Variants in CADM2 observed in about 807,000 individuals in gnomAD.
CADM2 encodes immunoglobulin superfamily member 4D.
In CADM2, 12 loss-of-function variants were observed where a neutral mutation model predicts 49.8. That is an observed-to-expected ratio of 0.24 (90% CI 0.15 to 0.39). The LOEUF is 0.39. Ranked by LOEUF, CADM2 falls within the 10% of genes least tolerant of loss-of-function variation. The pLI, the probability that CADM2 is intolerant of heterozygous loss-of-function variation, is 1.00. For missense variants in CADM2, 378 were observed against 492.3 expected, an observed-to-expected ratio of 0.77 and a Z score of 2.20; for synonymous variants, 214 against 175.4, an observed-to-expected ratio of 1.22 and a Z score of -1.74.
chr3:85,541,755 T>TTA lies in CADM2; in HGVS notation c.62-184757_62-184756dup, dbSNP rs1317190535. 3.7e-4 allele frequency among the ~76,000 whole-genome samples: 10 copies of TTA among 27,228 alleles called. No individual in the cohort carries two copies. In the South Asian group the frequency reaches 0.01, roughly 28 times the overall value. The allele number at this position is 27,228 out of a possible 152,430, so 17.9% of individuals were successfully genotyped here. ...ATTTTATATATATATTTTATATATT[T>TTA]TATATATATATTTTATATTTTATAT... On this transcript the variant is annotated intron_variant, in intron 1 of 9. Transcript: ENST00000383699.
intron 2 of CADM2, among the ~76,000 whole-genome samples, chr3:85,796,223 T>G (rs577243531): frequency 1.3e-5 from 2 of 152,214 alleles, no homozygotes; most frequent in East Asian, 3.8e-4. Flanking sequence ...TTATGCATTA[T>G]ATCAATATCA....
intron 2 of CADM2, among the ~76,000 whole-genome samples, chr3:85,752,472 G>GCACACACACACACA (rs3044028): frequency 2.7e-5 from 4 of 147,800 alleles, no homozygotes; most frequent in African/African-American, 1.0e-4. Context: ...ATGTGTGCGT[G>GCACACACACACACA]CACACACACA....
intron 2 of CADM2, among the ~76,000 whole-genome samples, chr3:85,774,530 T>A (rs1396877486): frequency 6.6e-6 from 1 of 151,724 alleles, no homozygotes; most frequent in Non-Finnish European, 1.5e-5. Flanking sequence ...TTTTATTACC[T>A]TTTTTGCAAA....
At chr3:85,956,125 G>A (rs755553118) in intron 7 of CADM2, among the ~76,000 whole-genome samples, 2 of 151,562 alleles carry the variant, frequency 1.3e-5, no homozygotes, top group African/African-American at 4.8e-5. Flanking sequence ...GTGGCGTAAC[G>A]TTATCGTCTC....
At chr3:86,001,550 AGGCTTCTAGAGAGTGAT>A (rs1366176070) in intron 8 of CADM2, among the ~76,000 whole-genome samples, 1 of 152,160 alleles carries the variant, frequency 6.6e-6, no homozygotes. Context: ...GAAGAAACCA[AGGCTTCTAGAGAGTGAT>A]GGTCTTTCAT....
chr3:85,189,062 A>ACAAT (rs1553693248), intron 1 of CADM2, among the ~76,000 whole-genome samples: 1 of 145,560 alleles, frequency 6.9e-6, no homozygotes, highest in Non-Finnish European at 1.5e-5. Context: ...ATAAATAAAT[A>ACAAT]AAATAAATAA....
At chr3:85,629,767 T>G (rs1395045084) in intron 1 of CADM2, among the ~76,000 whole-genome samples, 1 of 152,010 alleles carries the variant, frequency 6.6e-6, no homozygotes, top group Non-Finnish European at 1.5e-5. Flanking sequence ...TTTGCCACTT[T>G]ATGTATACAC....
At chr3:85,312,974 A>C (rs1016252591) in intron 1 of CADM2, among the ~76,000 whole-genome samples, 8 of 152,198 alleles carry the variant, frequency 5.3e-5, no homozygotes, top group African/African-American at 1.9e-4. Context: ...TCCCCTTATC[A>C]CATTTAATCC....
chr3:85,789,121 A>T (rs2071177733), intron 2 of CADM2, among the ~76,000 whole-genome samples: 1 of 152,086 alleles, frequency 6.6e-6, no homozygotes, highest in Non-Finnish European at 1.5e-5. Flanking sequence ...CAGAAAATTG[A>T]TTATTGTATG....
rs1703411726 is a variant in CADM2 at position 86,073,874 on chromosome 3, C to T, written c.*7091C>T. The T allele has an allele frequency of 6.6e-6, 1 of 151,676 alleles. No individual in the cohort carries two copies. Among genetic ancestry groups the T allele is most frequent in the African/African-American group, 2.4e-5 (1 of 41,350 alleles). 9.4% of individuals were successfully genotyped at this position (151,676 alleles called of 1,614,324 possible). A position where few individuals can be genotyped will look rare whatever the true frequency, so the allele number is the denominator to read the frequency against. On this transcript the variant is annotated 3_prime_UTR_variant, in exon 10 of 10. Transcript: ENST00000383699. ...TGATGCCCATTTTCTTTGTAAATTT[C>T]TAAGTGGAAGTTTTAAAAATTAAGC...
chr3:85,204,387 A>C (rs2041580623), intron 1 of CADM2, among the ~76,000 whole-genome samples: 1 of 152,172 alleles, frequency 6.6e-6, no homozygotes, highest in Non-Finnish European at 1.5e-5. Context: ...TTTACACTCC[A>C]AAAGTAAGGC....
intron 8 of CADM2, among the ~76,000 whole-genome samples, chr3:86,062,357 G>C (rs1387227509): frequency 6.6e-6 from 1 of 152,166 alleles, no homozygotes; most frequent in Admixed American, 6.5e-5. Context: ...TGATAGAAAT[G>C]TAGGGAAATA....
At chr3:85,919,317 T>G (rs1356140002) in intron 6 of CADM2, among the ~76,000 whole-genome samples, 1 of 151,902 alleles carries the variant, frequency 6.6e-6, no homozygotes, top group Non-Finnish European at 1.5e-5. Flanking sequence ...ATAGTTAAAA[T>G]AGCTTGTAGA....
chr3:85,006,605 AATGC>A (rs1178465838), intron 1 of CADM2, among the ~76,000 whole-genome samples: 1 of 152,094 alleles, frequency 6.6e-6, no homozygotes, highest in African/African-American at 2.4e-5. Context: ...CAAGGATAAA[AATGC>A]ATGCCTGGTT....
intron 7 of CADM2, among the ~76,000 whole-genome samples, chr3:85,947,173 C>T (rs1249878364): frequency 6.6e-6 from 1 of 151,904 alleles, no homozygotes; most frequent in East Asian, 1.9e-4. Context: ...GACATTTATG[C>T]AGCCAAAAGA....
intron 1 of CADM2, among the ~76,000 whole-genome samples, chr3:85,671,157 C>A (rs563676054): frequency 6.6e-6 from 1 of 152,286 alleles, no homozygotes; most frequent in East Asian, 1.9e-4. Flanking sequence ...GAAGACTCTG[C>A]AGTGTTTCTA....
chr3:85,690,317 A>G (rs1346575682), intron 1 of CADM2, among the ~76,000 whole-genome samples: 1 of 147,286 alleles, frequency 6.8e-6, no homozygotes, highest in African/African-American at 2.4e-5. Context: ...TACATTTAAT[A>G]TTTGGTAAAA....
intron 1 of CADM2, among the ~76,000 whole-genome samples, chr3:85,523,132 A>G (rs150603454): frequency 6.6e-6 from 1 of 152,258 alleles, no homozygotes; most frequent in African/African-American, 2.4e-5. Context: ...AGGTAACACA[A>G]GGCTTTGGGC....
At chr3:85,134,251 CCT>C (rs1389840817) in intron 1 of CADM2, among the ~76,000 whole-genome samples, 1 of 152,222 alleles carries the variant, frequency 6.6e-6, no homozygotes, top group East Asian at 1.9e-4. Flanking sequence ...TCCCTCCACA[CCT>C]CCCTGCAAGC....
Sources: gnomAD v4.1 joint callset for allele counts (sites outside exome capture counted in the v4.1 genomes callset) on GRCh38, gnomAD v4.1.1 for gene constraint, MANE v1.5 for transcripts, NCBI Gene and HGNC (gene_info 2026-07-23, HGNC 2026-07-21) for gene names.